TPRG1: variants seen among roughly 807,000 people sequenced by gnomAD.
TPRG1 encodes tumor protein p63 regulated 1, also known as tumor protein p63-regulated gene 1 protein.
TPRG1 carries 29 observed loss-of-function variants against 29.3 expected under a neutral mutation model. The observed-to-expected ratio is 0.99, with a 90% CI of 0.74 to 1.35. The LOEUF is 1.35. Among genes scored for constraint, TPRG1 ranks in the 40% most tolerant of loss-of-function variants. The probability of loss-of-function intolerance (pLI) is 0.00; values close to 1 mark genes in which losing one functional copy is unlikely to be tolerated. For synonymous variants in TPRG1, 130 were observed against 116.8 expected, an observed-to-expected ratio of 1.11 and a Z score of -0.73; for missense variants, 327 against 335.0, an observed-to-expected ratio of 0.98 and a Z score of 0.19.
Position 189,324,339 on chromosome 3 carries a change from G to A in TPRG1, c.*3519G>A, listed in dbSNP as rs933771662. ...TGAACTTTTGGAAATACTGAGATTA[G>A]ACTACATTTTCCAATTTCTATCCCT... On this transcript the variant is annotated 3_prime_UTR_variant, in exon 6 of 6. Transcript: ENST00000345063. 4 of 152,098 alleles carry A rather than the reference G, an allele frequency of 2.6e-5. No homozygotes were observed. The highest frequency in any genetic ancestry group is 9.7e-5 in the African/African-American group (4 of 41,428). The allele number at this position is 152,098 out of a possible 1,614,324, so 9.4% of individuals were successfully genotyped here.
chr3:189,281,669 A>G (rs1220048214), intron 4 of TPRG1, among the ~76,000 whole-genome samples: 3 of 152,188 alleles, frequency 2.0e-5, no homozygotes, highest in Non-Finnish European at 4.4e-5. Flanking sequence ...TTCTTAATGT[A>G]TAAATCCAAG....
At chr3:189,043,244 T>C (rs1247888481) in intron 4 of TPRG1, among the ~76,000 whole-genome samples, 1 of 152,186 alleles carries the variant, frequency 6.6e-6, no homozygotes, top group African/African-American at 2.4e-5. Flanking sequence ...TTAATAAACA[T>C]AAAATTCTTT....
At chr3:189,265,987 G>C (rs185103350) in intron 4 of TPRG1, among the ~76,000 whole-genome samples, 1 of 152,080 alleles carries the variant, frequency 6.6e-6, no homozygotes, top group Non-Finnish European at 1.5e-5. Flanking sequence ...ATAGGAGAAG[G>C]GTTCCTGCCA....
intron 4 of TPRG1, among the ~76,000 whole-genome samples, chr3:189,027,194 TA>T (rs1324622371): frequency 6.6e-6 from 1 of 152,212 alleles, no homozygotes; most frequent in East Asian, 1.9e-4. Context: ...GTTTTTCAGT[TA>T]ATAACTTCTG....
intron 4 of TPRG1, among the ~76,000 whole-genome samples, chr3:189,302,881 G>A (rs1427287498): frequency 6.6e-6 from 1 of 152,026 alleles, no homozygotes; most frequent in Admixed American, 6.6e-5. Flanking sequence ...TAGAAGTTTC[G>A]AAAAAACAAA....
At chr3:189,271,876 CTCTAAGTCCGA>C (rs1355087595) in intron 4 of TPRG1, among the ~76,000 whole-genome samples, 2 of 152,176 alleles carry the variant, frequency 1.3e-5, no homozygotes, top group Non-Finnish European at 2.9e-5. Flanking sequence ...TTCTCCGTAG[CTCTAAGTCCGA>C]TCTCATCTGT....
At chr3:189,162,263 G>A (rs1727589812) in intron 5 of TPRG1, among the ~76,000 whole-genome samples, 1 of 152,132 alleles carries the variant, frequency 6.6e-6, no homozygotes, top group South Asian at 2.1e-4. Context: ...AAAGTGCTGG[G>A]ATTACAGGCA....
At chr3:189,045,195 T>C (rs1714898479) in intron 4 of TPRG1, among the ~76,000 whole-genome samples, 1 of 152,224 alleles carries the variant, frequency 6.6e-6, no homozygotes, top group African/African-American at 2.4e-5. Flanking sequence ...GCAATCATGA[T>C]ATTTCAGTTT....
At chr3:189,036,957 A>G (rs1714307723) in intron 4 of TPRG1, among the ~76,000 whole-genome samples, 3 of 151,662 alleles carry the variant, frequency 2.0e-5, no homozygotes, top group Non-Finnish European at 4.4e-5. Flanking sequence ...CATAGTTATC[A>G]AAAAAGTCCC....
intron 3 of TPRG1, among the ~76,000 whole-genome samples, chr3:189,224,061 A>G (rs1000277237): frequency 7.2e-5 from 11 of 152,226 alleles, no homozygotes; most frequent in Non-Finnish European, 1.5e-4. Flanking sequence ...AGTATGATAC[A>G]TACTGATATA....
At chr3:189,198,117 T>C (rs548769747) in intron 1 of TPRG1, among the ~76,000 whole-genome samples, 17 of 152,248 alleles carry the variant, frequency 1.1e-4, no homozygotes, top group Admixed American at 5.2e-4. Flanking sequence ...CTTCAAGGGA[T>C]TGGGTTTGGG....
intron 3 of TPRG1, among the ~76,000 whole-genome samples, chr3:189,223,532 C>T (rs1211924812): frequency 6.6e-6 from 1 of 152,308 alleles, no homozygotes; most frequent in African/African-American, 2.4e-5. Flanking sequence ...GAGTGACCTG[C>T]ATTATAAGAC....
intron 4 of TPRG1, among the ~76,000 whole-genome samples, chr3:189,272,728 C>CAAGG (rs1715424046): frequency 2.1e-5 from 3 of 139,686 alleles, no homozygotes; most frequent in African/African-American, 8.9e-5. Flanking sequence ...TCCTTCCTTC[C>CAAGG]TTCCTTCCTT....
At chr3:189,013,094 T>C (rs1392426339) in intron 3 of TPRG1, among the ~76,000 whole-genome samples, 1 of 152,158 alleles carries the variant, frequency 6.6e-6, no homozygotes, top group Admixed American at 6.5e-5. Context: ...GATTCACTAG[T>C]TCTTTTAGTG....
At chr3:189,024,752 T>G (rs144282938) in intron 4 of TPRG1, among the ~76,000 whole-genome samples, 1 of 152,156 alleles carries the variant, frequency 6.6e-6, no homozygotes, top group East Asian at 2.0e-4. Flanking sequence ...GGATGCGAAG[T>G]CCTGCCCAGT....
At chr3:189,148,481 C>T (rs1397537249) in intron 4 of TPRG1, among the ~76,000 whole-genome samples, 1 of 152,200 alleles carries the variant, frequency 6.6e-6, no homozygotes, top group Non-Finnish European at 1.5e-5. Context: ...AGTCTGGAAG[C>T]ATGCCTCGCA....
At chr3:189,072,739 C>T (rs1460180149) in intron 4 of TPRG1, among the ~76,000 whole-genome samples, 2 of 151,990 alleles carry the variant, frequency 1.3e-5, no homozygotes, top group Non-Finnish European at 1.5e-5. Context: ...TCTTGCCTAT[C>T]GTTCTCTTTA....
intron 4 of TPRG1, among the ~76,000 whole-genome samples, chr3:189,287,287 T>C (rs1718214253): frequency 6.6e-6 from 1 of 152,126 alleles, no homozygotes; most frequent in African/African-American, 2.4e-5. Context: ...CAGACAATGT[T>C]GCACGGTCAT....
chr3:189,105,471 C>A (rs543018161), intron 1 of TPRG1, among the ~76,000 whole-genome samples: 1 of 152,104 alleles, frequency 6.6e-6, no homozygotes, highest in Non-Finnish European at 1.5e-5. Context: ...ACTTTGCCCC[C>A]CTGCTAACTT....
Sources: allele counts gnomAD v4.1 joint callset (sites outside exome capture counted in the v4.1 genomes callset), GRCh38; gene constraint gnomAD v4.1.1; transcripts MANE v1.5; gene names NCBI Gene and HGNC (gene_info 2026-07-23, HGNC 2026-07-21).